Variants in FRMD1 observed in about 807,000 individuals in gnomAD.
FRMD1 encodes FERM domain-containing protein 1.
Under a neutral mutation model 54.9 loss-of-function variants are expected in FRMD1, and 51 were observed. The ratio of observed to expected loss-of-function variants is 0.93; its 90% confidence interval spans 0.74 to 1.17. The LOEUF (loss-of-function observed/expected upper bound fraction) is 1.17, where lower values mean the gene tolerates loss of function less well. FRMD1 is among the 50% of genes most tolerant of loss of function. The pLI is 0.00. For missense variants in FRMD1, 729 were observed against 743.0 expected, an observed-to-expected ratio of 0.98 and a Z score of 0.22; for synonymous variants, 324 against 306.4, an observed-to-expected ratio of 1.06 and a Z score of -0.60.
At chr6:168,089,778 C>G (rs1800983881) in intron 1 of FRMD1, among the ~76,000 whole-genome samples, 2 of 152,174 alleles carry the variant, frequency 1.3e-5, no homozygotes, top group Non-Finnish European at 2.9e-5. Context: ...TCAGGTTTCA[C>G]TAGAAAATGG....
intron 2 of FRMD1, among the ~76,000 whole-genome samples, chr6:168,068,967 G>A (rs1800170737): frequency 6.6e-6 from 1 of 152,212 alleles, no homozygotes; most frequent in East Asian, 1.9e-4. Flanking sequence ...GTTAGACCCA[G>A]GGGGAGGCTC....
chr6:168,067,445 G>A lies in FRMD1; in HGVS notation c.306C>T (p.Asn102=), dbSNP rs1165812703. 1.3e-6 allele frequency: 2 copies of A among 1,595,784 alleles called. No individual in the cohort carries two copies. The highest frequency in any genetic ancestry group is 1.3e-5 in the African/African-American group (1 of 74,506). The part of the protein sequence containing the change: ...AQFFGLCVVR[N]NEYIFMDLEQ... ...CCAAATCCATAAATATATACTCATTGTCTGAAAGCAAAACAAAAGGCTTCA... is the reference window on the plus strand; with the variant it reads ...CCAAATCCATAAATATATACTCATTATCTGAAAGCAAAACAAAAGGCTTCA... The change falls in exon 3 of 11, where the codon AAC becomes AAT. Residue 102 remains asparagine, a splice_region_variant and synonymous_variant. Coordinates refer to ENST00000283309, the MANE Select transcript of FRMD1 (RefSeq NM_024919.6).
chr6:168,087,944 C>G (rs1008391284), intron 1 of FRMD1, among the ~76,000 whole-genome samples: 2 of 152,230 alleles, frequency 1.3e-5, no homozygotes, highest in Middle Eastern at 3.4e-3. Context: ...CTGGGAGGGG[C>G]GGCATGAGCC....
intron 2 of FRMD1, among the ~76,000 whole-genome samples, chr6:168,070,665 C>T (rs569529192): frequency 3.3e-5 from 5 of 152,350 alleles, no homozygotes; most frequent in Non-Finnish European, 7.4e-5. Context: ...TTCTCTCTTT[C>T]TCCCTCTATG....
Position 168,073,931 on chromosome 6 carries a change from AC to A in FRMD1, c.304+1313del, listed in dbSNP as rs542018679. Among the ~76,000 whole-genome samples the A allele has an allele frequency of 1.4e-4, 21 of 152,096 alleles. No homozygotes were observed. The South Asian group carries it at 3.1e-3, about 23-fold the overall frequency. On this transcript the variant is annotated intron_variant, in intron 2 of 10. Coordinates refer to ENST00000283309, the MANE Select transcript of FRMD1 (RefSeq NM_024919.6). ...AGCCCTGTCCTCCCCAGGCAGCAAGACAGGGGGATATTCAGCCACCGCTGGT... is the reference window on the plus strand; with the variant it reads ...AGCCCTGTCCTCCCCAGGCAGCAAGAAGGGGGATATTCAGCCACCGCTGGT...
In FRMD1 at chr6:168,059,380, C is replaced by T. The variant is rs922060205; in HGVS notation, c.1343-192G>A. On this transcript the variant is annotated intron_variant, in intron 9 of 10. Transcript: ENST00000283309. This position sits in a 1 kb window ranked among gnomAD's most constrained non-coding sequence, Gnocchi z 4.4. ...CGACATCTGATAAAACGGCCCCTTG[C>T]TGTGCAGATGCGGGATTAGCACGGT... Among the ~76,000 whole-genome samples, 2 of 152,212 alleles carry T rather than the reference C, an allele frequency of 1.3e-5. No homozygotes were observed. Among genetic ancestry groups the T allele is most frequent in the Non-Finnish European group, 2.9e-5 (2 of 68,040 alleles).
At position 168,078,889 on chromosome 6, in the gene FRMD1, G is replaced by A; in HGVS notation, c.206C>T (p.Ala69Val). Residue 69 changes from alanine to valine, a missense_variant, in exon 1 of 11, where the codon GCC (alanine) becomes GTC (valine). Transcript: ENST00000283309. Reference sequence around the variant, plus strand: ...ACCCAGGGCCCTGCTCACCCCCACGGCCAGCCGCAGTTGCTCCCGGCTGGG... The same window carrying A: ...ACCCAGGGCCCTGCTCACCCCCACGACCAGCCGCAGTTGCTCCCGGCTGGG... ...LLPSREQLRL[A>V]VGVKATGREL... The A allele has an allele frequency of 6.3e-7, 1 of 1,587,270 alleles. No individual in the cohort carries two copies. Among genetic ancestry groups the A allele is most frequent in the East Asian group, 2.2e-5 (1 of 44,530 alleles).
chr6:168,064,258 G>A (rs1036025886), intron 5 of FRMD1, among the ~76,000 whole-genome samples: 33 of 152,332 alleles, frequency 2.2e-4, no homozygotes, highest in African/African-American at 7.7e-4. Context: ...AAGGTGCACA[G>A]GATAGAGAGG....
chr6:168,087,366 A>C (rs1290038987), intron 1 of FRMD1, among the ~76,000 whole-genome samples: 1 of 152,152 alleles, frequency 6.6e-6, no homozygotes, highest in Non-Finnish European at 1.5e-5. Context: ...CTGTGCCCGA[A>C]CTTATTTCAC....
intron 1 of FRMD1, 93 bp from the exon 2 acceptor site, chr6:168,075,428 G>A (rs1800541637): frequency 2.1e-6 from 2 of 972,160 alleles, no homozygotes; most frequent in South Asian, 1.3e-5. Context: ...GGCACCAGGT[G>A]GACGACCCAG....
intron 1 of FRMD1, among the ~76,000 whole-genome samples, chr6:168,087,409 A>C (rs1800939721): frequency 6.6e-6 from 1 of 152,202 alleles, no homozygotes; most frequent in Admixed American, 6.5e-5. Context: ...AGACAGTGCA[A>C]ATGATTCCTC....
Position 168,061,025 on chromosome 6 carries a change from C to A in FRMD1, c.1078G>T (p.Asp360Tyr), listed in dbSNP as rs777057586. The change falls in exon 9 of 11, where the codon GAT (aspartate) becomes TAT (tyrosine). Residue 360 changes from aspartate (D) to tyrosine (Y), a missense_variant. Transcript: ENST00000283309. ...KQHYRESYIS[D>Y]ELELDLASRS... is the part of the protein sequence containing the mutation. ...CTGGCCAGGTCCAGCTCCAGCTCAT[C>A]GCTGATATAGGACTCCCGGTAGTGC... The A allele has an allele frequency of 6.2e-7, 1 of 1,612,648 alleles. No homozygotes were observed. Among genetic ancestry groups the A allele is most frequent in the South Asian group, 1.1e-5 (1 of 91,042 alleles).
chr6:168,077,845 A>T (rs1266619728), intron 1 of FRMD1, among the ~76,000 whole-genome samples: 1 of 152,212 alleles, frequency 6.6e-6, no homozygotes, highest in African/African-American at 2.4e-5. Flanking sequence ...AGCCCGAGGC[A>T]CTGCTGGGGA....
rs1424638284 is a variant in FRMD1, at chr6:168,059,717, A to G, written c.1343-529T>C. On this transcript the variant is annotated intron_variant, in intron 9 of 10. Transcript: ENST00000283309. The surrounding 1 kb of genome is among the most constrained non-coding windows in gnomAD (Gnocchi z 4.4). ...GAGCTCACGTCCCCTTTCTGGGGCA[A>G]TGAGGAAGCTCTTCAGGGCCTCATA... is the stretch of plus-strand genomic sequence containing the variant. Among the ~76,000 whole-genome samples, 1 of 152,120 alleles carries G rather than the reference A, an allele frequency of 6.6e-6. No individual in the cohort carries two copies. The highest frequency in any genetic ancestry group is 1.5e-5 in the Non-Finnish European group (1 of 68,010).
At chr6:168,073,102 T>C (rs1800389467) in intron 2 of FRMD1, among the ~76,000 whole-genome samples, 1 of 152,136 alleles carries the variant, frequency 6.6e-6, no homozygotes, top group Admixed American at 6.6e-5. Flanking sequence ...CTGGGAAAAG[T>C]CCACCAGTAT....
intron 10 of FRMD1, chr6:168,057,643 G>T (rs1799482340): frequency 5.1e-6 from 2 of 393,466 alleles, no homozygotes; most frequent in Non-Finnish European, 4.6e-6. Flanking sequence ...TTTAGGATCA[G>T]GTCTGAGTGT....
chr6:168,062,656 C>T, intron 7 of FRMD1: 9 of 1,549,854 alleles, frequency 5.8e-6, no homozygotes, highest in Non-Finnish European at 7.8e-6. Flanking sequence ...GCACGGGGAC[C>T]CCCCAGACAC....
intron 10 of FRMD1, among the ~76,000 whole-genome samples, chr6:168,058,909 C>T (rs1331691545): frequency 3.3e-5 from 5 of 152,192 alleles, no homozygotes; most frequent in Non-Finnish European, 7.4e-5. Flanking sequence ...TGAGCCGACT[C>T]ACTCGGCCCT....
At chr6:168,064,357 C>T (rs562752679) in intron 5 of FRMD1, among the ~76,000 whole-genome samples, 16 of 152,346 alleles carry the variant, frequency 1.1e-4, no homozygotes, top group South Asian at 6.2e-4. Flanking sequence ...TCAATCCGCG[C>T]GGCCATCAGG....
Sources: gnomAD v4.1 joint callset for allele counts (sites outside exome capture counted in the v4.1 genomes callset) on GRCh38, gnomAD v4.1.1 for gene constraint, Gnocchi (gnomAD v3.1) non-coding constraint, MANE v1.5 for transcripts, NCBI Gene and HGNC (gene_info 2026-07-23, HGNC 2026-07-21) for gene names.